The following CNTN4 variants were observed in gnomAD, a reference collection of about 807,000 sequenced individuals.
The protein encoded by CNTN4 is contactin-4.
A neutral mutation model predicts 122.5 loss-of-function variants in CNTN4; 77 were observed. That is an observed-to-expected ratio of 0.63 (90% CI 0.52 to 0.76). The LOEUF (loss-of-function observed/expected upper bound fraction) is 0.76, where lower values mean the gene tolerates loss of function less well. Ranked by LOEUF, CNTN4 falls within the 30% of genes least tolerant of loss-of-function variation. The pLI, the probability that CNTN4 is intolerant of heterozygous loss-of-function variation, is 0.00. For synonymous variants in CNTN4, 512 were observed against 447.0 expected (o/e 1.15, Z -1.83); for missense variants, 1,256 against 1,259.1 (o/e 1.00, Z 0.04).
chr3:2,270,533 A>G (rs1465582279), intron 2 of CNTN4, among the ~76,000 whole-genome samples: 1 of 152,114 alleles, frequency 6.6e-6, no homozygotes, highest in African/African-American at 2.4e-5. Context: ...AGTACTTGTT[A>G]TGACCTGTGG....
chr3:2,571,726 T>A (rs990202663), intron 4 of CNTN4, among the ~76,000 whole-genome samples, 168 bp downstream of exon 4: 4 of 152,220 alleles, frequency 2.6e-5, no homozygotes, highest in African/African-American at 7.2e-5. Context: ...GGTCTTTTAG[T>A]GACTCTTTTC....
At chr3:2,269,778 A>T (rs1002087940) in intron 2 of CNTN4, among the ~76,000 whole-genome samples, 1 of 152,154 alleles carries the variant, frequency 6.6e-6, no homozygotes, top group Non-Finnish European at 1.5e-5. Flanking sequence ...TTTATAAAAA[A>T]CGATGAAATG....
At chr3:2,707,582 G>T (rs1465003390) in intron 4 of CNTN4, among the ~76,000 whole-genome samples, 1 of 152,128 alleles carries the variant, frequency 6.6e-6, no homozygotes, top group Admixed American at 6.6e-5. Flanking sequence ...GGGAAGAGAA[G>T]TTAGCAGTTT....
At chr3:2,275,720 G>A (rs2041478977) in intron 2 of CNTN4, among the ~76,000 whole-genome samples, 1 of 151,894 alleles carries the variant, frequency 6.6e-6, no homozygotes, top group Non-Finnish European at 1.5e-5. Context: ...AGGCATTTGA[G>A]ACCAGCCTGG....
intron 2 of CNTN4, among the ~76,000 whole-genome samples, chr3:2,241,395 T>C (rs1153518): frequency 0.99 from 150,735 of 152,268 alleles, 74,635 homozygotes; most frequent in Middle Eastern, 1. Context: ...ATCAACTCAT[T>C]ATATGTCCCT....
At chr3:2,943,902 C>T (rs2094644594) in intron 13 of CNTN4, among the ~76,000 whole-genome samples, 2 of 151,908 alleles carry the variant, frequency 1.3e-5, no homozygotes. Flanking sequence ...TGGCCACAAA[C>T]AGTTCCCTAG....
chr3:2,468,696 A>G (rs955804537), intron 3 of CNTN4, among the ~76,000 whole-genome samples: 3 of 152,094 alleles, frequency 2.0e-5, no homozygotes, highest in Non-Finnish European at 4.4e-5. Flanking sequence ...GCAGTGACCT[A>G]GGTTAATTTT....
In CNTN4 at chr3:2,454,916, T is replaced by A. The variant is rs73804573; in HGVS notation, c.-89+115683T>A. Among the ~76,000 whole-genome samples, 994 of 152,248 alleles carry A rather than the reference T, an allele frequency of 6.5e-3. 16 individuals carry two copies. Among genetic ancestry groups the A allele is most frequent in the African/African-American group, 0.022 (924 of 41,566 alleles). On this transcript the variant is annotated intron_variant, in intron 3 of 24. Transcript: ENST00000418658. ...GAATGTAAGTAGTGGGTGAGTAATTTAGAGATATCATAATAAGCGTTTTGG... is the reference window on the plus strand; with the variant it reads ...GAATGTAAGTAGTGGGTGAGTAATTAAGAGATATCATAATAAGCGTTTTGG...
chr3:2,556,145 G>A lies in CNTN4; in HGVS notation c.-88-15271G>A, dbSNP rs191130529. ...TTAGACTTTTTTTAAAAACTTGAAA[G>A]GAGGCTTTATTATGTATTTATAGCA... On this transcript the variant is annotated intron_variant, in intron 3 of 24. Coordinates refer to ENST00000418658, the MANE Select transcript of CNTN4 (RefSeq NM_175607.3). Among the ~76,000 whole-genome samples the A allele has an allele frequency of 2.9e-3, 444 of 152,208 alleles. 2 individuals carry two copies. Among genetic ancestry groups the A allele is most frequent in the Admixed American group, 5.3e-3 (81 of 15,296 alleles).
At position 2,496,032 on chromosome 3, in the gene CNTN4, A is replaced by G. The variant is rs1000054841; in HGVS notation, c.-88-75384A>G. The stretch of plus-strand genomic sequence containing the variant: ...TTTATGCACAAGCGGGCTCAGAAAA[A>G]TTAGACTTAAGAAGATATAAACCAT... On this transcript the variant is annotated intron_variant, in intron 3 of 24. Transcript: ENST00000418658. Among the ~76,000 whole-genome samples the G allele has an allele frequency of 2.6e-5, 4 of 152,190 alleles. No individual in the cohort carries two copies. In the South Asian group the frequency reaches 6.2e-4, roughly 24 times the overall value.
intron 2 of CNTN4, among the ~76,000 whole-genome samples, chr3:2,163,942 C>A (rs1240323860): frequency 1.3e-5 from 2 of 151,972 alleles, no homozygotes; most frequent in East Asian, 1.9e-4. Context: ...TATGGAGATT[C>A]CTTAAGGAAC....
chr3:2,302,166 C>G (rs1321717025), intron 2 of CNTN4, among the ~76,000 whole-genome samples: 2 of 152,204 alleles, frequency 1.3e-5, no homozygotes. Context: ...CACAGTGGCT[C>G]ATGCCTGTAA....
chr3:2,805,994 C>T (rs1459432266), intron 6 of CNTN4, among the ~76,000 whole-genome samples: 2 of 151,916 alleles, frequency 1.3e-5, no homozygotes, highest in South Asian at 2.1e-4. Context: ...CTCCATCTCC[C>T]GGGTTCACGC....
intron 6 of CNTN4, among the ~76,000 whole-genome samples, chr3:2,815,011 A>G (rs535036281): frequency 2.0e-5 from 3 of 152,298 alleles, no homozygotes; most frequent in South Asian, 4.1e-4. Flanking sequence ...GCTGCTACTG[A>G]TCATTACCCA....
chr3:2,506,159 TC>T (rs1162199832), intron 3 of CNTN4, among the ~76,000 whole-genome samples: 2 of 152,188 alleles, frequency 1.3e-5, no homozygotes, highest in African/African-American at 4.8e-5. Context: ...AGAGACACTT[TC>T]CCTTTAAGAA....
chr3:3,031,077 G>A, intron 16 of CNTN4, 102 bp downstream of exon 16: 1 of 1,479,832 alleles, frequency 6.8e-7, no homozygotes, highest in Middle Eastern at 2.0e-4. Flanking sequence ...ATGGGAAAAA[G>A]TCAGGCAGAA....
chr3:2,766,786 C>A (rs1049391409), intron 6 of CNTN4, among the ~76,000 whole-genome samples: 21 of 152,184 alleles, frequency 1.4e-4, no homozygotes, highest in African/African-American at 3.9e-4. Context: ...AGTAGCAGAG[C>A]ACAACGAAAT....
At chr3:2,118,151 C>A (rs1307891523) in intron 2 of CNTN4, among the ~76,000 whole-genome samples, 3 of 152,086 alleles carry the variant, frequency 2.0e-5, no homozygotes, top group Admixed American at 6.6e-5. Flanking sequence ...CTATAATAGT[C>A]CTGTGAGCTA....
rs754836470 is a variant in CNTN4, at chr3:3,026,092, A to C, written c.1487-10A>C. ...TTGTTGTTATTGTTTGTTTTGTTTTAACTCTCCAGATCCAACAAGGGTAAT... is the reference window on the plus strand; with the variant it reads ...TTGTTGTTATTGTTTGTTTTGTTTTCACTCTCCAGATCCAACAAGGGTAAT... On this transcript the variant is annotated splice_polypyrimidine_tract_variant and intron_variant, in intron 14 of 24. Coordinates refer to ENST00000418658, the MANE Select transcript of CNTN4 (RefSeq NM_175607.3). 5.0e-6 allele frequency: 8 copies of C among 1,612,026 alleles called. No individual in the cohort carries two copies. The highest frequency in any genetic ancestry group is 1.7e-5 in the Admixed American group (1 of 59,892).
Sources: gnomAD v4.1 joint callset for allele counts (sites outside exome capture counted in the v4.1 genomes callset) on GRCh38, gnomAD v4.1.1 for gene constraint, MANE v1.5 for transcripts, NCBI Gene and HGNC (gene_info 2026-07-23, HGNC 2026-07-21) for gene names.